The following KLHL29 variants were observed in gnomAD, a reference collection of about 807,000 sequenced individuals.
KLHL29 encodes kelch like family member 29.
In KLHL29, 21 loss-of-function variants were observed where a neutral mutation model predicts 80.4. That is an observed-to-expected ratio of 0.26 (90% confidence interval 0.19 to 0.38). The LOEUF (loss-of-function observed/expected upper bound fraction) is 0.38, where lower values mean the gene tolerates loss of function less well. Among genes scored for constraint, KLHL29 ranks in the 10% least tolerant of loss-of-function variants. The pLI is 1.00. For missense variants in KLHL29, 867 were observed against 1,223.9 expected (o/e 0.71, Z 4.35); for synonymous variants, 511 against 526.8 (o/e 0.97, Z 0.41).
At chr2:23,629,739 CA>C (rs939256828) in intron 3 of KLHL29, among the ~76,000 whole-genome samples, 4 of 152,222 alleles carry the variant, frequency 2.6e-5, no homozygotes, top group African/African-American at 9.6e-5. Context: ...AAGGGAAAAG[CA>C]AACATACTTC....
At chr2:23,443,758 G>A (rs955696609) in intron 1 of KLHL29, among the ~76,000 whole-genome samples, 1 of 152,234 alleles carries the variant, frequency 6.6e-6, no homozygotes, top group Non-Finnish European at 1.5e-5. Context: ...GTCCCCTGTA[G>A]TTGACTTGGT....
intron 5 of KLHL29, among the ~76,000 whole-genome samples, chr2:23,683,133 G>A (rs1671138046): frequency 6.6e-6 from 1 of 152,238 alleles, no homozygotes; most frequent in Admixed American, 6.5e-5. Context: ...CAGAAGCAGG[G>A]CTGGGGCCAG....
At chr2:23,586,698 C>T (rs1323296329) in intron 3 of KLHL29, among the ~76,000 whole-genome samples, 1 of 152,188 alleles carries the variant, frequency 6.6e-6, no homozygotes, top group East Asian at 1.9e-4. Context: ...GGGATGACCT[C>T]AGGAAACGTC....
chr2:23,401,326 C>T (rs1186696469), intron 1 of KLHL29, among the ~76,000 whole-genome samples: 8 of 152,144 alleles, frequency 5.3e-5, no homozygotes, highest in African/African-American at 1.7e-4. Context: ...ATTCAGAAAC[C>T]GTACTCTATA....
At chr2:23,688,927 C>A (rs908248173) in intron 6 of KLHL29, 3 of 152,288 alleles carry the variant, frequency 2.0e-5, no homozygotes, top group African/African-American at 7.2e-5. Flanking sequence ...ACGGGGGTGT[C>A]CCCTCTGGGG....
At chr2:23,404,491 G>A (rs577630630) in intron 1 of KLHL29, among the ~76,000 whole-genome samples, 30 of 152,186 alleles carry the variant, frequency 2.0e-4, no homozygotes, top group Non-Finnish European at 4.1e-4. Context: ...TTTAAATCTC[G>A]TGAAGGAATT....
At chr2:23,394,568 G>C (rs892756355) in intron 1 of KLHL29, among the ~76,000 whole-genome samples, 5 of 152,220 alleles carry the variant, frequency 3.3e-5, no homozygotes, top group African/African-American at 9.6e-5. Flanking sequence ...CTGTCCTCCA[G>C]ACACCTGCCT....
At chr2:23,493,623 C>T (rs138499351) in intron 2 of KLHL29, among the ~76,000 whole-genome samples, 216 of 151,748 alleles carry the variant, frequency 1.4e-3, no homozygotes, top group African/African-American at 5.0e-3. Context: ...TCTCTGGGAG[C>T]GGGGTGGGCG....
At position 23,693,486 on chromosome 2, in the gene KLHL29, A is replaced by AGTC; in HGVS notation, c.1501_1503dup (p.Val501dup). On this transcript the variant is annotated inframe_insertion, in exon 8 of 14. Coordinates refer to ENST00000486442, the MANE Select transcript of KLHL29 (RefSeq NM_052920.2). ...AGGCTGAGGAGCTGGTGTACGAGACAGTCATCAAGTGGATCAAGAAGGACC... is the reference window on the plus strand; with the variant it reads ...AGGCTGAGGAGCTGGTGTACGAGACAGTCGTCATCAAGTGGATCAAGAAGGACC... The AGTC allele has an allele frequency of 6.4e-7, 1 of 1,551,596 alleles. No homozygotes were observed. Among genetic ancestry groups the AGTC allele is most frequent in the Non-Finnish European group, 8.7e-7 (1 of 1,146,870 alleles).
chr2:23,463,146 C>T (rs1664261361), intron 1 of KLHL29, among the ~76,000 whole-genome samples: 1 of 147,134 alleles, frequency 6.8e-6, no homozygotes, highest in Non-Finnish European at 1.5e-5. Context: ...TTTTTTGGAA[C>T]GTCATGGCAC....
In KLHL29 at chr2:23,453,938, T is replaced by C. The variant is rs183112720; in HGVS notation, c.-153-21622T>C. ...GAACTGCATTTGAGGAGACTTTCTG[T>C]GTCCAGGGGATTTTACAGCGTTTGA... On this transcript the variant is annotated intron_variant, in intron 1 of 13. Coordinates refer to ENST00000486442, the MANE Select transcript of KLHL29 (RefSeq NM_052920.2). 1.3e-3 allele frequency among the ~76,000 whole-genome samples: 191 copies of C among 152,272 alleles called. 1 individual carries two copies. The highest frequency in any genetic ancestry group is 4.2e-3 in the African/African-American group (175 of 41,540).
intron 1 of KLHL29, among the ~76,000 whole-genome samples, chr2:23,470,274 G>C (rs78361314): frequency 0.014 from 2,071 of 152,260 alleles, 42 homozygotes; most frequent in African/African-American, 0.043. Flanking sequence ...ATAGTCTCCA[G>C]TATTTTGCCT....
At chr2:23,393,056 A>G (rs1183442299) in intron 1 of KLHL29, among the ~76,000 whole-genome samples, 2 of 152,256 alleles carry the variant, frequency 1.3e-5, no homozygotes, top group African/African-American at 4.8e-5. Context: ...AGCAAATCAA[A>G]GAATAAAAAC....
In KLHL29 at chr2:23,691,794, C is replaced by A; in HGVS notation, c.1200C>A (p.Asp400Glu). The A allele has an allele frequency of 6.4e-7, 1 of 1,551,704 alleles. No individual in the cohort carries two copies. The highest frequency in any genetic ancestry group is 2.4e-5 in the East Asian group (1 of 40,914). Reference protein sequence around the residue: ...EFVYTGSLVIDSANAKTLLEA... With the variant: ...EFVYTGSLVIESANAKTLLEA... ...TCTACACGGGCTCCCTGGTCATCGA[C>A]TCGGCCAACGCCAAGACACTGCTGG... Residue 400 changes from aspartate (D) to glutamate (E), a missense_variant, in exon 7 of 14, where the codon GAC becomes GAA. By Grantham distance (45) the Asp-to-Glu change is conservative (BLOSUM62 2). Around this residue, in one of 2 missense-constraint regions of KLHL29, gnomAD observed 443 missense variants for 767.0 expected, o/e 0.58. Coordinates refer to ENST00000486442, the MANE Select transcript of KLHL29 (RefSeq NM_052920.2).
intron 1 of KLHL29, among the ~76,000 whole-genome samples, chr2:23,427,008 G>A (rs969596403): frequency 5.3e-5 from 8 of 152,202 alleles, no homozygotes; most frequent in Non-Finnish European, 1.2e-4. Flanking sequence ...GTGGATTTGA[G>A]CCATTAAACG....
Position 23,669,664 on chromosome 2 carries a change from G to A in KLHL29, c.941-14735G>A, listed in dbSNP as rs924511165. Among the ~76,000 whole-genome samples, 2 of 152,146 alleles carry A rather than the reference G, an allele frequency of 1.3e-5. No homozygotes were observed. The highest frequency in any genetic ancestry group is 6.5e-5 in the Admixed American group (1 of 15,276). On this transcript the variant is annotated intron_variant, in intron 5 of 13. Coordinates refer to ENST00000486442, the MANE Select transcript of KLHL29 (RefSeq NM_052920.2). The surrounding 1 kb of genome is among the most constrained non-coding windows in gnomAD (Gnocchi z 4.3). ...GGTCCTTCTCAGCGTTTGTGTTCAC[G>A]TAGGGGATGGTCCCCCCTCTGTGTG...
intron 2 of KLHL29, among the ~76,000 whole-genome samples, chr2:23,501,160 G>A (rs906857351): frequency 9.9e-5 from 15 of 152,076 alleles, no homozygotes; most frequent in East Asian, 3.9e-4. Context: ...CTGATGGCCC[G>A]GACTCCAATC....
chr2:23,520,291 C>G (rs1209691672), intron 2 of KLHL29, among the ~76,000 whole-genome samples: 5 of 152,206 alleles, frequency 3.3e-5, no homozygotes, highest in East Asian at 1.9e-4. Flanking sequence ...GGCCTCTGCG[C>G]TTTCATGGGC....
rs562415407 is a variant in KLHL29 at position 23,521,964 on chromosome 2, A to C, written c.-45-40188A>C. 3.6e-4 allele frequency among the ~76,000 whole-genome samples: 55 copies of C among 152,246 alleles called. 3 individuals are homozygous for C. In the South Asian group the frequency reaches 0.011, roughly 32 times the overall value. On this transcript the variant is annotated intron_variant, in intron 2 of 13. Coordinates refer to ENST00000486442, the MANE Select transcript of KLHL29 (RefSeq NM_052920.2). ...CACCTGCTTTTCACAGCCTTTCTGC[A>C]TCTCCCCTTATTCTCATTAGTTAAA...
Sources: gnomAD v4.1 joint callset for allele counts (sites outside exome capture counted in the v4.1 genomes callset) on GRCh38, gnomAD v4.1.1 for gene constraint, gnomAD v4.1.1 regional missense constraint, Gnocchi (gnomAD v3.1) non-coding constraint, MANE v1.5 for transcripts, NCBI Gene and HGNC (gene_info 2026-07-23, HGNC 2026-07-21) for gene names.